Variants in NOX4 observed in about 807,000 individuals in gnomAD.
The protein encoded by NOX4 is NADPH oxidase 4.
Under a neutral mutation model 87.6 loss-of-function variants are expected in NOX4, and 69 were observed. That is an observed-to-expected ratio of 0.79 (90% CI 0.65 to 0.96). The LOEUF (loss-of-function observed/expected upper bound fraction) is 0.96. NOX4 is among the 40% of genes least tolerant of loss of function. The pLI is 0.00. For synonymous variants in NOX4, 275 were observed against 238.2 expected, an observed-to-expected ratio of 1.15 and a Z score of -1.42; for missense variants, 680 against 681.5, an observed-to-expected ratio of 1.00 and a Z score of 0.02.
intron 11 of NOX4, among the ~76,000 whole-genome samples, chr11:89,394,232 A>G (rs922579717): frequency 6.6e-6 from 1 of 152,152 alleles, no homozygotes; most frequent in Non-Finnish European, 1.5e-5. Flanking sequence ...TAAGAAAGTA[A>G]AAAAGTTTTC....
intron 12 of NOX4, among the ~76,000 whole-genome samples, chr11:89,365,225 G>T (rs1026365762): frequency 1.3e-5 from 2 of 151,950 alleles, no homozygotes; most frequent in Non-Finnish European, 2.9e-5. Flanking sequence ...TATTTCCAGG[G>T]GGAGCAGAGT....
At chr11:89,448,456 G>C (rs1944808660) in intron 4 of NOX4, among the ~76,000 whole-genome samples, 1 of 152,052 alleles carries the variant, frequency 6.6e-6, no homozygotes, top group South Asian at 2.1e-4. Flanking sequence ...TTCTTAATTT[G>C]GAAAAGAGCA....
chr11:89,443,322 G>C (rs1279102913), intron 5 of NOX4: 3 of 152,042 alleles, frequency 2.0e-5, no homozygotes, highest in Non-Finnish European at 4.4e-5. Context: ...GTGATATGTG[G>C]AGGGGAAAAA....
intron 2 of NOX4, among the ~76,000 whole-genome samples, chr11:89,465,063 A>G (rs1487109418): frequency 6.6e-6 from 1 of 152,140 alleles, no homozygotes; most frequent in African/African-American, 2.4e-5. Flanking sequence ...ATAGGTATAC[A>G]CGTACCATGG....
At chr11:89,556,329 C>A in the NOX4 span, among the ~76,000 whole-genome samples, 22 of 152,082 alleles carry the variant, frequency 1.4e-4, no homozygotes, top group Admixed American at 1.4e-3. Context: ...TCGAGACCAG[C>A]CTGGCCAACA....
chr11:89,354,752 G>A (rs1027409600), intron 13 of NOX4, among the ~76,000 whole-genome samples: 5 of 152,124 alleles, frequency 3.3e-5, no homozygotes, highest in African/African-American at 1.2e-4. Flanking sequence ...GTCAAAGCTG[G>A]GTTGCAATTA....
intron 8 of NOX4, among the ~76,000 whole-genome samples, chr11:89,409,063 G>T (rs1377111449): frequency 6.6e-6 from 1 of 151,832 alleles, no homozygotes. Flanking sequence ...TACTTCACGG[G>T]TATAAAAAGG....
chr11:89,452,076 T>C (rs973630259), intron 2 of NOX4, among the ~76,000 whole-genome samples, 181 bp from the exon 3 acceptor site: 1 of 152,208 alleles, frequency 6.6e-6, no homozygotes, highest in Admixed American at 6.5e-5. Context: ...GAACGACTTC[T>C]TTCTGTTCTG....
At chr11:89,435,959 AGAACTT>A (rs1420311509) in intron 6 of NOX4, among the ~76,000 whole-genome samples, 1 of 152,214 alleles carries the variant, frequency 6.6e-6, no homozygotes, top group Non-Finnish European at 1.5e-5. Context: ...TCAATGAAGA[AGAACTT>A]ACAATTAGCA....
chr11:89,379,205 T>A (rs1940092722), intron 11 of NOX4, among the ~76,000 whole-genome samples: 1 of 151,996 alleles, frequency 6.6e-6, no homozygotes, highest in African/African-American at 2.4e-5. Flanking sequence ...AAGTGACAAG[T>A]GGATGAGGTA....
chr11:89,395,447 G>A (rs1467132860), intron 11 of NOX4, among the ~76,000 whole-genome samples: 7 of 152,148 alleles, frequency 4.6e-5, no homozygotes, highest in Non-Finnish European at 2.9e-5. Flanking sequence ...CTCCCATTCT[G>A]TAGGTTGCCT....
intron 11 of NOX4, among the ~76,000 whole-genome samples, chr11:89,381,667 G>A (rs548594074): frequency 6.7e-6 from 1 of 149,112 alleles, no homozygotes; most frequent in East Asian, 2.1e-4. Context: ...GCTGACATGA[G>A]TGAAATTTGG....
At chr11:89,405,731 G>A (rs1055787591) in intron 8 of NOX4, among the ~76,000 whole-genome samples, 5 of 144,344 alleles carry the variant, frequency 3.5e-5, no homozygotes, top group Non-Finnish European at 6.0e-5. Context: ...AGTATTGAAA[G>A]GCCACCTACT....
At chr11:89,360,027 T>G (rs1169742153) in intron 12 of NOX4, among the ~76,000 whole-genome samples, 3 of 152,042 alleles carry the variant, frequency 2.0e-5, no homozygotes, top group African/African-American at 7.2e-5. Flanking sequence ...TATTAAAGTC[T>G]TTACCTTAGT....
the NOX4 span, among the ~76,000 whole-genome samples, chr11:89,570,277 C>T: frequency 6.6e-6 from 1 of 152,124 alleles, no homozygotes; most frequent in Non-Finnish European, 1.5e-5. Context: ...ACCACATGTT[C>T]TCACTTATAA....
intron 7 of NOX4, among the ~76,000 whole-genome samples, chr11:89,430,693 C>T (rs1039876635): frequency 2.0e-5 from 3 of 151,778 alleles, no homozygotes; most frequent in Non-Finnish European, 2.9e-5. Flanking sequence ...CACTGCTCAA[C>T]GAAATAAAAG....
At chr11:89,390,203 T>A (rs1213155473) in intron 11 of NOX4, among the ~76,000 whole-genome samples, 4 of 152,188 alleles carry the variant, frequency 2.6e-5, no homozygotes, top group East Asian at 1.9e-4. Context: ...CATAATAGCA[T>A]AATGTAAAAT....
At chr11:89,549,789 C>T in the NOX4 span, among the ~76,000 whole-genome samples, 2 of 152,184 alleles carry the variant, frequency 1.3e-5, no homozygotes, top group African/African-American at 2.4e-5. Context: ...TGGTTTCCAG[C>T]TTCATCCATG....
At chr11:89,564,673 T>G in the NOX4 span, among the ~76,000 whole-genome samples, 1 of 152,128 alleles carries the variant, frequency 6.6e-6, no homozygotes, top group South Asian at 2.1e-4. Context: ...AGATCAACAT[T>G]ACATTTCTTC....
Sources: allele counts gnomAD v4.1 joint callset (sites outside exome capture counted in the v4.1 genomes callset), GRCh38; gene constraint gnomAD v4.1.1; transcripts MANE v1.5; gene names NCBI Gene and HGNC (gene_info 2026-07-23, HGNC 2026-07-21).